The following TMEM41B variants were observed in gnomAD, a reference collection of about 807,000 sequenced individuals.
TMEM41B encodes protein stasimon.
In TMEM41B, 18 loss-of-function variants were observed where a neutral mutation model predicts 31.9. That is an observed-to-expected ratio of 0.56 (90% CI 0.39 to 0.84). The LOEUF (loss-of-function observed/expected upper bound fraction) is 0.84, where lower values mean the gene tolerates loss of function less well. TMEM41B is among the 40% of genes least tolerant of loss of function. TMEM41B has a pLI of 0.00. For synonymous variants in TMEM41B, 144 were observed against 124.3 expected (o/e 1.16, Z -1.05); for missense variants, 322 against 348.0 (o/e 0.93, Z 0.59).
chr11:9,287,787 G>A lies in TMEM41B; in HGVS notation c.482C>T (p.Ser161Phe), dbSNP rs1471191236. The change falls in exon 5 of 7, where the codon TCT (serine) becomes TTT (phenylalanine). Residue 161 changes from serine to phenylalanine, a missense_variant. Transcript: ENST00000528080. ...TAAATAGGAAAGCATATAACAGAAA[G>A]AGGCACCAAGTCCAGAACACTGGAA... Reference protein sequence around the residue: ...LVCLCSGLGASFCYMLSYLVG... With the variant: ...LVCLCSGLGAFFCYMLSYLVG... The A allele has an allele frequency of 1.9e-6, 3 of 1,612,684 alleles. No homozygotes were observed. Among genetic ancestry groups the A allele is most frequent in the Non-Finnish European group, 2.5e-6 (3 of 1,179,566 alleles).
chr11:9,305,982 T>TTC lies in TMEM41B; in HGVS notation c.122-6282_122-6281insGA, dbSNP rs200933149. On this transcript the variant is annotated intron_variant, in intron 1 of 6. Transcript: ENST00000528080. ...AGCTACTTACACCAGCACTTTTCTT[T>TTC]TTTTTTTTTTTTTTGAGACAGAGTC... 3.2e-4 allele frequency among the ~76,000 whole-genome samples: 32 copies of TTC among 101,068 alleles called. No individual in the cohort carries two copies. In the South Asian group the frequency reaches 3.4e-3, roughly 11 times the overall value. 66.3% of individuals were successfully genotyped at this position (101,068 alleles called of 152,430 possible). A position where few individuals can be genotyped will look rare whatever the true frequency, so the allele number is the denominator to read the frequency against.
At chr11:9,297,940 C>T (rs1355277937) in intron 2 of TMEM41B, among the ~76,000 whole-genome samples, 1 of 151,086 alleles carries the variant, frequency 6.6e-6, no homozygotes, top group African/African-American at 2.4e-5. Context: ...TGGTGCATGC[C>T]TGTACTCCTA....
At chr11:9,310,005 T>G (rs1853516554) in intron 1 of TMEM41B, among the ~76,000 whole-genome samples, 1 of 151,836 alleles carries the variant, frequency 6.6e-6, no homozygotes, top group Non-Finnish European at 1.5e-5. Context: ...TTTCAATCTT[T>G]TTTGATTGTG....
At chr11:9,301,305 G>C (rs1462019865) in intron 1 of TMEM41B, among the ~76,000 whole-genome samples, 1 of 152,076 alleles carries the variant, frequency 6.6e-6, no homozygotes, top group Non-Finnish European at 1.5e-5. Context: ...TGGGGCAGGA[G>C]AATGGCATGA....
At chr11:9,309,852 G>C (rs1421331646) in intron 1 of TMEM41B, among the ~76,000 whole-genome samples, 1 of 150,520 alleles carries the variant, frequency 6.6e-6, no homozygotes, top group African/African-American at 2.4e-5. Flanking sequence ...AACCCGGGAA[G>C]GGGAGGTTGC....
At chr11:9,300,605 G>A (rs765773419) in intron 1 of TMEM41B, among the ~76,000 whole-genome samples, 2 of 152,018 alleles carry the variant, frequency 1.3e-5, no homozygotes, top group Non-Finnish European at 2.9e-5. Context: ...GAGGCCAGGC[G>A]CGGTGGCTCA....
intron 1 of TMEM41B, among the ~76,000 whole-genome samples, chr11:9,300,035 C>T (rs571654592): frequency 6.6e-6 from 1 of 152,238 alleles, no homozygotes; most frequent in African/African-American, 2.4e-5. Context: ...AGGAGAATCA[C>T]TTAAATTTGG....
In TMEM41B at chr11:9,300,065, G is replaced by A. The variant is rs1035507405; in HGVS notation, c.122-364C>T. ...ATTTGGGAGGTAGAGGTTGCGGTGA[G>A]TGGAGATAGAGCCATTGCACTCCAG... On this transcript the variant is annotated intron_variant, in intron 1 of 6. Transcript: ENST00000528080. Among the ~76,000 whole-genome samples, 3 of 152,206 alleles carry A rather than the reference G, an allele frequency of 2.0e-5. No individual in the cohort carries two copies. The East Asian group carries it at 5.8e-4, about 29-fold the overall frequency.
chr11:9,298,836 T>C (rs1853165846), intron 2 of TMEM41B, among the ~76,000 whole-genome samples: 1 of 152,128 alleles, frequency 6.6e-6, no homozygotes, highest in Non-Finnish European at 1.5e-5. Context: ...TCCTGATACT[T>C]TGATATCACA....
chr11:9,309,110 G>A (rs554781542), intron 1 of TMEM41B, among the ~76,000 whole-genome samples: 1 of 152,294 alleles, frequency 6.6e-6, no homozygotes, highest in East Asian at 1.9e-4. Context: ...AGCTGGGCGT[G>A]GTGACGTGTG....
At chr11:9,305,010 T>C (rs1014948398) in intron 1 of TMEM41B, among the ~76,000 whole-genome samples, 9 of 151,828 alleles carry the variant, frequency 5.9e-5, no homozygotes, top group Non-Finnish European at 1.2e-4. Context: ...CAGGCTGGTC[T>C]TGAACTCCTG....
At position 9,310,655 on chromosome 11, in the gene TMEM41B, CTTTTTTT is replaced by C. The variant is rs36061977; in HGVS notation, c.121+3659_121+3665del. ...CTTCAAACCGATTAGGTTAAGAGCC[CTTTTTTT>C]TTTTTTTTTTTTTTTTTAACCAGGA... On this transcript the variant is annotated intron_variant, in intron 1 of 6. Transcript: ENST00000528080. 1.4e-4 allele frequency among the ~76,000 whole-genome samples: 15 copies of C among 109,152 alleles called. No homozygotes were observed. The South Asian group carries it at 3.2e-3, about 23-fold the overall frequency. The allele number at this position is 109,152 out of a possible 152,430, so 71.6% of individuals were successfully genotyped here.
chr11:9,312,802 G>T, intron 1 of TMEM41B, among the ~76,000 whole-genome samples: 1 of 151,628 alleles, frequency 6.6e-6, no homozygotes, highest in Non-Finnish European at 1.5e-5. Context: ...TACTCGGGAG[G>T]CTGAGGCAGG....
intron 6 of TMEM41B, among the ~76,000 whole-genome samples, chr11:9,286,240 G>A (rs1317829932): frequency 6.6e-6 from 1 of 152,168 alleles, no homozygotes; most frequent in Non-Finnish European, 1.5e-5. Flanking sequence ...ACAGTAGAAA[G>A]TGTTCTTCTT....
At chr11:9,298,576 C>T (rs1324062853) in intron 2 of TMEM41B, among the ~76,000 whole-genome samples, 2 of 151,826 alleles carry the variant, frequency 1.3e-5, no homozygotes, top group African/African-American at 4.8e-5. Context: ...ACCAGCCTGG[C>T]CAACAGGTTT....
intron 6 of TMEM41B, among the ~76,000 whole-genome samples, chr11:9,285,433 A>G (rs1021312121): frequency 6.6e-6 from 1 of 152,086 alleles, no homozygotes; most frequent in Admixed American, 6.6e-5. Context: ...ATTCTTTTCA[A>G]AAAGACATAT....
At chr11:9,297,057 G>A (rs1025416129) in intron 2 of TMEM41B, among the ~76,000 whole-genome samples, 3 of 152,104 alleles carry the variant, frequency 2.0e-5, no homozygotes, top group Non-Finnish European at 4.4e-5. Context: ...TGAGTAGCTG[G>A]GACTGCAGGC....
chr11:9,299,690 C>T lies in TMEM41B; in HGVS notation c.133G>A (p.Val45Ile). The T allele has an allele frequency of 3.1e-6, 5 of 1,603,848 alleles. No homozygotes were observed. The highest frequency in any genetic ancestry group is 4.2e-6 in the Non-Finnish European group (5 of 1,176,824). The change falls in exon 2 of 7, where the codon GTA becomes ATA. Residue 45 changes from valine to isoleucine, a missense_variant. Coordinates refer to ENST00000528080, the MANE Select transcript of TMEM41B (RefSeq NM_015012.4). ...GACATTCTTGCTGATCCAGCTTCTA[C>T]CCAGGATTTTTCTGGAAGAAAAAAG... is the stretch of plus-strand genomic sequence containing the variant. ...SRDHQKEKSW[V>I]EAGSARMSLL...
intron 1 of TMEM41B, among the ~76,000 whole-genome samples, chr11:9,313,959 A>G (rs561104090): frequency 6.6e-6 from 1 of 152,254 alleles, no homozygotes; most frequent in Non-Finnish European, 1.5e-5. Context: ...ATATACCCAC[A>G]CTGGGCCTCA....
Sources: gnomAD v4.1 joint callset for allele counts (sites outside exome capture counted in the v4.1 genomes callset) on GRCh38, gnomAD v4.1.1 for gene constraint, MANE v1.5 for transcripts, NCBI Gene and HGNC (gene_info 2026-07-23, HGNC 2026-07-21) for gene names.